SMOC2: variants seen among roughly 807,000 people sequenced by gnomAD.
SMOC2 encodes the protein SPARC related modular calcium binding 2.
A neutral mutation model predicts 61.4 loss-of-function variants in SMOC2; 39 were observed. The observed-to-expected ratio is 0.64, with a 90% CI of 0.49 to 0.83. The LOEUF (loss-of-function observed/expected upper bound fraction) is 0.83. Ranked by LOEUF, SMOC2 falls within the 40% of genes least tolerant of loss-of-function variation. The pLI, the probability that SMOC2 is intolerant of heterozygous loss-of-function variation, is 0.00. For missense variants in SMOC2, 556 were observed against 592.9 expected (o/e 0.94, Z 0.65); for synonymous variants, 247 against 239.9 (o/e 1.03, Z -0.27).
chr6:168,666,313 C>A (rs1490697324), intron 12 of SMOC2, 108 bp from the exon 13 acceptor site: 7 of 1,295,396 alleles, frequency 5.4e-6, no homozygotes, highest in Admixed American at 3.7e-5. Flanking sequence ...CATGACCTGC[C>A]CAGCCCTCTT....
At chr6:168,659,020 T>G (rs112795637) in intron 11 of SMOC2, among the ~76,000 whole-genome samples, 4 of 143,114 alleles carry the variant, frequency 2.8e-5, no homozygotes, top group African/African-American at 1.0e-4. Context: ...TTATGGTGTG[T>G]GGGGGTGTGG....
In SMOC2 at chr6:168,606,218, A is replaced by G. The variant is rs1785685014; in HGVS notation, c.825-1939A>G. On this transcript the variant is annotated intron_variant, in intron 8 of 12. Transcript: ENST00000356284. The stretch of plus-strand genomic sequence containing the variant: ...ATTAGGAGACACCTGGCTGGGTAAC[A>G]GGTCCTTTACTGAGTTCGCCTTTCT... Among the ~76,000 whole-genome samples the G allele has an allele frequency of 1.3e-5, 2 of 152,190 alleles. 1 individual carries two copies. Among genetic ancestry groups the G allele is most frequent in the South Asian group, 4.1e-4 (2 of 4,820 alleles).
chr6:168,522,572 A>G (rs909660348), intron 2 of SMOC2, among the ~76,000 whole-genome samples: 5 of 152,242 alleles, frequency 3.3e-5, no homozygotes, highest in Admixed American at 3.3e-4. Context: ...ACATCACGCT[A>G]AATGAAGGAA....
At chr6:168,650,110 G>A (rs1583187232) in intron 9 of SMOC2, among the ~76,000 whole-genome samples, 1 of 152,272 alleles carries the variant, frequency 6.6e-6, no homozygotes, top group African/African-American at 2.4e-5. Context: ...CACAGTCCGC[G>A]CTGGGCTCCA....
At chr6:168,658,102 G>T (rs1050437931) in intron 11 of SMOC2, among the ~76,000 whole-genome samples, 1 of 152,208 alleles carries the variant, frequency 6.6e-6, no homozygotes, top group South Asian at 2.1e-4. Flanking sequence ...GACTGATGGG[G>T]AGATGGAGAG....
intron 7 of SMOC2, among the ~76,000 whole-genome samples, chr6:168,564,770 G>A (rs756892212): frequency 2.6e-5 from 4 of 152,154 alleles, no homozygotes; most frequent in East Asian, 1.9e-4. Context: ...GGCTGATGAC[G>A]GGCAGCCGCT....
chr6:168,470,641 C>T (rs1283464629), intron 1 of SMOC2, among the ~76,000 whole-genome samples: 1 of 152,098 alleles, frequency 6.6e-6, no homozygotes, highest in Non-Finnish European at 1.5e-5. Flanking sequence ...AGTGCCCCTG[C>T]ACTCCAGTCT....
chr6:168,653,491 C>T (rs189906789), intron 11 of SMOC2, among the ~76,000 whole-genome samples: 1 of 152,234 alleles, frequency 6.6e-6, no homozygotes, highest in African/African-American at 2.4e-5. Flanking sequence ...CTGTTCAGAC[C>T]ACGGTTGGCT....
At chr6:168,543,270 AC>A (rs1783913960) in intron 4 of SMOC2, among the ~76,000 whole-genome samples, 1 of 152,172 alleles carries the variant, frequency 6.6e-6, no homozygotes, top group Non-Finnish European at 1.5e-5. Context: ...GATTTTAAAA[AC>A]GTTTCCTTTT....
chr6:168,577,201 T>C (rs1784823351), intron 7 of SMOC2, among the ~76,000 whole-genome samples: 1 of 152,194 alleles, frequency 6.6e-6, no homozygotes, highest in East Asian at 1.9e-4. Flanking sequence ...TCTGTAAGAC[T>C]CTGCTGGACC....
intron 1 of SMOC2, among the ~76,000 whole-genome samples, chr6:168,495,571 G>A (rs6919061): frequency 0.18 from 27,067 of 152,114 alleles, 5,323 homozygotes; most frequent in African/African-American, 0.47. Context: ...CCTGAAGTTC[G>A]CAATGCCCGG....
At chr6:168,468,918 T>C (rs928621599) in intron 1 of SMOC2, among the ~76,000 whole-genome samples, 44 of 152,386 alleles carry the variant, frequency 2.9e-4, no homozygotes, top group African/African-American at 1.1e-3. Flanking sequence ...TAAGCAGTTT[T>C]ATCCATAATT....
At chr6:168,521,519 G>C (rs1783329264) in intron 2 of SMOC2, among the ~76,000 whole-genome samples, 1 of 152,038 alleles carries the variant, frequency 6.6e-6, no homozygotes, top group Non-Finnish European at 1.5e-5. Context: ...GTAACTGAGA[G>C]AGATGAAATA....
At chr6:168,545,582 T>A (rs1003509654) in intron 5 of SMOC2, among the ~76,000 whole-genome samples, 3 of 152,282 alleles carry the variant, frequency 2.0e-5, no homozygotes, top group African/African-American at 7.2e-5. Flanking sequence ...GAGGGAAGCA[T>A]GGACAGGGCA....
At chr6:168,456,262 G>C (rs73040317) in intron 1 of SMOC2, among the ~76,000 whole-genome samples, 1 of 152,380 alleles carries the variant, frequency 6.6e-6, no homozygotes, top group Non-Finnish European at 1.5e-5. Context: ...GTTTATGACT[G>C]CGATTAGCTG....
rs776441959 is a variant in SMOC2, at chr6:168,510,016, C to T, written c.186C>T (p.Ser62=). 8.7e-6 allele frequency: 14 copies of T among 1,614,226 alleles called. No individual in the cohort carries two copies. In the South Asian group the frequency reaches 1.5e-4, roughly 18 times the overall value. The change falls in exon 2 of 13, where the codon TCC becomes TCT. Residue 62 remains serine (S), a synonymous_variant. Transcript: ENST00000356284. ...LCASDGRTFL[S]RCEFQRAKCK... ...CATCTGACGGAAGGACCTTCCTTTC[C>T]CGTTGTGAATTTCAACGTGCCAAGT... is the stretch of plus-strand genomic sequence containing the variant.
chr6:168,553,409 C>T lies in SMOC2; in HGVS notation c.637+4206C>T, dbSNP rs537571490. 7.8e-4 allele frequency among the ~76,000 whole-genome samples: 119 copies of T among 152,290 alleles called. No homozygotes were observed. Among genetic ancestry groups the T allele is most frequent in the African/African-American group, 2.6e-3 (109 of 41,570 alleles). On this transcript the variant is annotated intron_variant, in intron 7 of 12. Transcript: ENST00000356284. The surrounding 1 kb of genome is among the most constrained non-coding windows in gnomAD (Gnocchi z 4.2). ...ATCAGATAAGACATTTTGTAAGATA[C>T]AGTCTTTTAATTATGTAAGATTTAA...
rs561672382 is a variant in SMOC2 at position 168,655,696 on chromosome 6, A to G, written c.1285+2468A>G. On this transcript the variant is annotated intron_variant, in intron 11 of 12. Coordinates refer to ENST00000356284, the MANE Select transcript of SMOC2 (RefSeq NM_001166412.2). ...GATTTCCCTCACACATGTGTGCTAG[A>G]TCCCTTGCACATGTATCCTGGATCC... is the stretch of plus-strand genomic sequence containing the variant. Among the ~76,000 whole-genome samples, 159 of 149,730 alleles carry G rather than the reference A, an allele frequency of 1.1e-3. 3 individuals carry two copies. Among genetic ancestry groups the G allele is most frequent in the African/African-American group, 3.8e-3 (155 of 40,474 alleles).
chr6:168,597,566 C>T (rs1019819514), intron 7 of SMOC2, among the ~76,000 whole-genome samples: 4 of 152,244 alleles, frequency 2.6e-5, no homozygotes, highest in Admixed American at 1.3e-4. Context: ...CAGCTCTTAT[C>T]AGCTTCCTAC....
Sources: gnomAD v4.1 joint callset for allele counts (sites outside exome capture counted in the v4.1 genomes callset) on GRCh38, gnomAD v4.1.1 for gene constraint, Gnocchi (gnomAD v3.1) non-coding constraint, MANE v1.5 for transcripts, NCBI Gene and HGNC (gene_info 2026-07-23, HGNC 2026-07-21) for gene names.